Variants in APOB observed in about 807,000 individuals in gnomAD.
The protein encoded by APOB is apolipoprotein B-100.
In APOB, 153 loss-of-function variants were observed where a neutral mutation model predicts 314.1. The observed-to-expected ratio is 0.49, with a 90% CI of 0.43 to 0.56. APOB has a LOEUF of 0.56. Among genes scored for constraint, APOB ranks in the 20% least tolerant of loss-of-function variants. The pLI, the probability that APOB is intolerant of heterozygous loss-of-function variation, is 0.00. For synonymous variants in APOB, 2,087 were observed against 2,036.4 expected, an observed-to-expected ratio of 1.02 and a Z score of -0.67; for missense variants, 5,430 against 5,350.7, an observed-to-expected ratio of 1.01 and a Z score of -0.46.
chr2:21,013,098 G>C, intron 25 of APOB, 62 bp downstream of exon 25: 1 of 1,606,784 alleles, frequency 6.2e-7, no homozygotes, highest in Non-Finnish European at 8.5e-7. Flanking sequence ...CCTGGAGGAG[G>C]CTCTCCTCTT....
At position 21,037,507 on chromosome 2, in the gene APOB, G is replaced by T. The variant is rs1054527; in HGVS notation, c.538-252C>A. Among the ~76,000 whole-genome samples, 13 of 152,276 alleles carry T rather than the reference G, an allele frequency of 8.5e-5. No homozygotes were observed. In the East Asian group the frequency reaches 1.5e-3, roughly 18 times the overall value. ...TTGCATCGGTGTCTTCTCCCATTATGGTGTCGTAGAGAAATTAGAACACAC... is the reference window on the plus strand; with the variant it reads ...TTGCATCGGTGTCTTCTCCCATTATTGTGTCGTAGAGAAATTAGAACACAC... On this transcript the variant is annotated intron_variant, in intron 5 of 28. Coordinates refer to ENST00000233242, the MANE Select transcript of APOB (RefSeq NM_000384.3).
chr2:21,033,814 C>G lies in APOB; in HGVS notation c.905-296G>C, dbSNP rs941265503. Among the ~76,000 whole-genome samples, 11 of 152,170 alleles carry G rather than the reference C, an allele frequency of 7.2e-5. No homozygotes were observed. In the East Asian group the frequency reaches 9.6e-4, roughly 13 times the overall value. On this transcript the variant is annotated intron_variant, in intron 8 of 28. Transcript: ENST00000233242. The stretch of plus-strand genomic sequence containing the variant: ...AATTGCTCATCCCTGGATCTCAGCT[C>G]TGAGTCCCAGAGATGAGACAAAGAG...
Position 21,037,082 on chromosome 2 carries a change from T to G in APOB, c.693+18A>C. 6.2e-7 allele frequency: 1 copy of G among 1,614,154 alleles called. No individual in the cohort carries two copies. The highest frequency in any genetic ancestry group is 1.3e-5 in the African/African-American group (1 of 75,068). Reference sequence around the variant, plus strand: ...GGATGCTCCTTGCTGTGCACGACAGTGCTGACATGGGACTTACCATGCCTT... The same window carrying G: ...GGATGCTCCTTGCTGTGCACGACAGGGCTGACATGGGACTTACCATGCCTT... On this transcript the variant is annotated intron_variant, in intron 6 of 28. Transcript: ENST00000233242.
rs774305972 is a variant in APOB, at chr2:21,024,819, A to G, written c.2436+114T>C. The G allele has an allele frequency of 5.3e-5, 58 of 1,100,564 alleles. No individual in the cohort carries two copies. In the South Asian group the frequency reaches 7.0e-4, roughly 13 times the overall value. 68.2% of individuals were successfully genotyped at this position (1,100,564 alleles called of 1,614,324 possible). On this transcript the variant is annotated intron_variant, in intron 16 of 28. Transcript: ENST00000233242. ...TCAAGGCAAACCTCCATCTCTGAAG[A>G]AAGTACAAGCATCTTTTCGGGCTTG...
rs970988407 is a variant in APOB at position 21,008,500 on chromosome 2, C to T, written c.8368G>A (p.Ala2790Thr). 1.5e-5 allele frequency: 24 copies of T among 1,614,058 alleles called. No individual in the cohort carries two copies. Among genetic ancestry groups the T allele is most frequent in the Middle Eastern group, 1.6e-4 (1 of 6,062 alleles). ...GTTSANEAGIAASITAKGESK... is the reference protein window; with the variant it reads ...GTTSANEAGITASITAKGESK... ...TCTCCTTTGGCAGTGATGGAAGCTG[C>T]GATACCTGCTTCGTTTGCTGAGGTG... The change falls in exon 26 of 29, where the codon GCA becomes ACA. Residue 2790 changes from alanine (A) to threonine (T), a missense_variant. Ala to Thr is a moderately conservative substitution (Grantham distance 58). Around this residue, in one of 3 missense-constraint regions of APOB, gnomAD observed 3,281 missense variants for 3,171.0 expected, o/e 1.03. Coordinates refer to ENST00000233242, the MANE Select transcript of APOB (RefSeq NM_000384.3).
chr2:21,009,309 C>T lies in APOB; in HGVS notation c.7559G>A (p.Arg2520Gln), dbSNP rs199852015. The T allele has an allele frequency of 8.1e-6, 13 of 1,613,970 alleles. No individual in the cohort carries two copies. The highest frequency in any genetic ancestry group is 2.7e-5 in the African/African-American group (2 of 74,918). ...AATGTCCATTTGATACATTCGGTCT[C>T]GTGTATCTTCTAGGGTCTCTCGGAA... ...AKFRETLEDTRDRMYQMDIQQ... is the reference protein window; with the variant it reads ...AKFRETLEDTQDRMYQMDIQQ... Residue 2520 changes from arginine (R) to glutamine (Q), a missense_variant, in exon 26 of 29, where the codon CGA becomes CAA. Physicochemically the swap from Arg to Gln is conservative, Grantham distance 43. This residue lies in a region of APOB where 3,281 missense variants were observed against 3,171.0 expected (regional missense o/e 1.03). Transcript: ENST00000233242.
At position 21,001,611 on chromosome 2, in the gene APOB, T is replaced by C; in HGVS notation, c.*119A>G. On this transcript the variant is annotated 3_prime_UTR_variant, in exon 29 of 29. Transcript: ENST00000233242. ...ATATGTGCTTCTGCTTATAGTCTACTGCCTACTGCAAGGCTGGCTCACTGT... is the reference window on the plus strand; with the variant it reads ...ATATGTGCTTCTGCTTATAGTCTACCGCCTACTGCAAGGCTGGCTCACTGT... The C allele has an allele frequency of 1.0e-6, 1 of 954,998 alleles. No homozygotes were observed. Among genetic ancestry groups the C allele is most frequent in the Non-Finnish European group, 1.6e-6 (1 of 622,108 alleles). 59.2% of individuals were successfully genotyped at this position (954,998 alleles called of 1,614,324 possible).
At position 21,012,483 on chromosome 2, in the gene APOB, C is replaced by T; in HGVS notation, c.4385G>A (p.Gly1462Glu). ...LLIFDASSSWGPQMSASVHLD... is the reference protein window; with the variant it reads ...LLIFDASSSWEPQMSASVHLD... The stretch of plus-strand genomic sequence containing the variant: ...ATGAACTGAAGCAGACATCTGTGGT[C>T]CCCAGGAACTAGATGCATCGAATAT... The change falls in exon 26 of 29, where the codon GGA (glycine) becomes GAA (glutamate). Residue 1462 changes from glycine (G) to glutamate (E), a missense_variant. By Grantham distance (98) the Gly-to-Glu change is moderately conservative. Coordinates refer to ENST00000233242, the MANE Select transcript of APOB (RefSeq NM_000384.3). The T allele has an allele frequency of 6.2e-7, 1 of 1,614,120 alleles. No individual in the cohort carries two copies. The highest frequency in any genetic ancestry group is 1.1e-5 in the South Asian group (1 of 91,072).
chr2:21,002,320 GA>G lies in APOB; in HGVS notation c.13101del (p.Gln4368ArgfsTer26), dbSNP rs1558558718. On this transcript the variant is annotated frameshift_variant, in exon 29 of 29. Coordinates refer to ENST00000233242, the MANE Select transcript of APOB (RefSeq NM_000384.3). LOFTEE classifies it low-confidence loss of function (END_TRUNC). ...TGCTGTAACTCTTGAGAAGCTTCCT[GA>G]AGCTCGTTTTGAATAAATTCATTGA... ...HKFNEFIQNE[L>X]QEASQELQQI... 7 of 1,612,970 alleles carry G rather than the reference GA, an allele frequency of 4.3e-6. No homozygotes were observed. In the Admixed American group the frequency reaches 8.4e-5, roughly 19 times the overall value.
At position 21,023,614 on chromosome 2, in the gene APOB, G is replaced by T; in HGVS notation, c.2515C>A (p.Pro839Thr). 6.2e-7 allele frequency: 1 copy of T among 1,614,132 alleles called. No homozygotes were observed. Among genetic ancestry groups the T allele is most frequent in the Non-Finnish European group, 8.5e-7 (1 of 1,180,008 alleles). Residue 839 changes from proline (P) to threonine (T), a missense_variant, in exon 17 of 29, where the codon CCC becomes ACC. By Grantham distance (38) the Pro-to-Thr change is conservative (BLOSUM62 -1). This residue lies in a region of APOB where 2,085 missense variants were observed against 2,079.7 expected (regional missense o/e 1.00). Coordinates refer to ENST00000233242, the MANE Select transcript of APOB (RefSeq NM_000384.3). ...YIFMENAFEL[P>T]TGAGLQLQIS... ...TGCAACTGTAATCCAGCTCCAGTGG[G>T]GAGTTCAAAGGCATTCTCCATGAAG...
rs772544842 is a variant in APOB at position 21,004,403 on chromosome 2, C to G, written c.11953G>C (p.Asp3985His). The G allele has an allele frequency of 1.2e-6, 2 of 1,613,886 alleles. No homozygotes were observed. Among genetic ancestry groups the G allele is most frequent in the Non-Finnish European group, 1.7e-6 (2 of 1,179,948 alleles). Residue 3985 changes from aspartate (D) to histidine (H), a missense_variant, in exon 28 of 29, where the codon GAT becomes CAT. By Grantham distance (81) the Asp-to-His change is moderately conservative (BLOSUM62 -1). Coordinates refer to ENST00000233242, the MANE Select transcript of APOB (RefSeq NM_000384.3). ...TCTTTCTGGTAGCGCAGATGGAGAT[C>G]GGTGAACGCTGGGCTTTTGATATTG... ...HLNIKSPAFT[D>H]LHLRYQKDKK...
In APOB at chr2:21,012,503, G is replaced by C. The variant is rs12720847; in HGVS notation, c.4365C>G (p.Phe1455Leu). The C allele has an allele frequency of 6.2e-7, 1 of 1,613,988 alleles. No homozygotes were observed. Among genetic ancestry groups the C allele is most frequent in the African/African-American group, 1.3e-5 (1 of 74,888 alleles). Reference sequence around the variant, plus strand: ...GTGGTCCCCAGGAACTAGATGCATCGAATATTAGTAAACCTTTTGAGACTG... The same window carrying C: ...GTGGTCCCCAGGAACTAGATGCATCCAATATTAGTAAACCTTTTGAGACTG... ...NNPVSKGLLI[F>L]DASSSWGPQM... Residue 1455 changes from phenylalanine to leucine, a missense_variant, in exon 26 of 29, where the codon TTC (phenylalanine) becomes TTG (leucine). Physicochemically the swap from Phe to Leu is conservative, Grantham distance 22 (BLOSUM62 0). This residue lies in a region of APOB where 2,085 missense variants were observed against 2,079.7 expected (regional missense o/e 1.00). Coordinates refer to ENST00000233242, the MANE Select transcript of APOB (RefSeq NM_000384.3).
rs72653061 is a variant in APOB, at chr2:21,033,533, G to C, written c.905-15C>G. 3.9e-3 allele frequency: 6,186 copies of C among 1,603,126 alleles called. 16 individuals are homozygous for C. Among genetic ancestry groups the C allele is most frequent in the Non-Finnish European group, 4.6e-3 (5,388 of 1,170,038 alleles). On this transcript the variant is annotated splice_polypyrimidine_tract_variant and intron_variant, in intron 8 of 28. Transcript: ENST00000233242. ...CTTCTTAGTACCTGGAAGATGGAAA[G>C]TGTCAAAGGAACTCTAGCTTTCTTC...
chr2:21,043,558 G>A lies in APOB; in HGVS notation c.83-7C>T, dbSNP rs924078369. On this transcript the variant is annotated splice_region_variant and splice_polypyrimidine_tract_variant and intron_variant, in intron 1 of 28. Coordinates refer to ENST00000233242, the MANE Select transcript of APOB (RefSeq NM_000384.3). ...TTTTCCAGCATTTCCTCTTCTGTAA[G>A]ACAGGAGAAAGAAATCTGTGAGCTT... 9.4e-6 allele frequency: 15 copies of A among 1,599,924 alleles called. No individual in the cohort carries two copies. The highest frequency in any genetic ancestry group is 6.9e-5 in the Admixed American group (4 of 57,952).
rs1169805351 is a variant in APOB, at chr2:21,008,814, T to G, written c.8054A>C (p.Gln2685Pro). The change falls in exon 26 of 29, where the codon CAG becomes CCG. Residue 2685 changes from glutamine to proline, a missense_variant. Physicochemically the swap from Gln to Pro is moderately conservative, Grantham distance 76. Transcript: ENST00000233242. ...TIDQMLNSEL[Q>P]WPVPDIYLRD... Reference sequence around the variant, plus strand: ...GAGATATATATCTGGAACGGGCCACTGCAGCTCACTGTTCAGCATCTGGTC... The same window carrying G: ...GAGATATATATCTGGAACGGGCCACGGCAGCTCACTGTTCAGCATCTGGTC... 6.2e-7 allele frequency: 1 copy of G among 1,614,104 alleles called. No individual in the cohort carries two copies.
chr2:21,026,728 G>T (rs1473888736), intron 15 of APOB, 60 bp downstream of exon 15: 6 of 1,359,228 alleles, frequency 4.4e-6, no homozygotes, highest in Admixed American at 1.7e-5. Flanking sequence ...GCTTAGAAAA[G>T]AATTGTTTTT....
rs12720835 is a variant in APOB, at chr2:21,032,861, G to A, written c.1125-280C>T. On this transcript the variant is annotated intron_variant, in intron 9 of 28. Coordinates refer to ENST00000233242, the MANE Select transcript of APOB (RefSeq NM_000384.3). ...TTGGCCAGCACACAGAATATGCCTG[G>A]CCAACATTAGCTGGGTCTCATTCCT... Among the ~76,000 whole-genome samples the A allele has an allele frequency of 4.0e-3, 615 of 152,234 alleles. 8 individuals carry two copies. Among genetic ancestry groups the A allele is most frequent in the East Asian group, 0.035 (182 of 5,184 alleles).
At position 21,034,829 on chromosome 2, in the gene APOB, G is replaced by A. The variant is rs1663960726; in HGVS notation, c.891C>T (p.Arg297=). The change falls in exon 8 of 29, where the codon CGC becomes CGT. Residue 297 remains arginine, a synonymous_variant. Coordinates refer to ENST00000233242, the MANE Select transcript of APOB (RefSeq NM_000384.3). The part of the protein sequence containing the change: ...KLEDTPKINS[R]FFGEGTKKMG... ...AGAAACTCTTACCTTCACCAAAGAA[G>A]CGGCTGTTGATCTTTGGTGTGTCTT... 2 of 1,591,204 alleles carry A rather than the reference G, an allele frequency of 1.3e-6. No homozygotes were observed. The highest frequency in any genetic ancestry group is 1.7e-6 in the Non-Finnish European group (2 of 1,159,076).
chr2:21,011,416 G>GTAC lies in APOB; in HGVS notation c.5451_5452insGTA (p.Glu1817_Pro1818insVal). The GTAC allele has an allele frequency of 6.2e-7, 1 of 1,614,006 alleles. No individual in the cohort carries two copies. Among genetic ancestry groups the GTAC allele is most frequent in the Non-Finnish European group, 8.5e-7 (1 of 1,180,012 alleles). ...TTACCAGCCACATGCAGCTTCAGGGGTTCTAGCCGTAGTTTCCCATTGTTG... is the reference window on the plus strand; with the variant it reads ...TTACCAGCCACATGCAGCTTCAGGGGTACTTCTAGCCGTAGTTTCCCATTGTTG... On this transcript the variant is annotated inframe_insertion, in exon 26 of 29. Coordinates refer to ENST00000233242, the MANE Select transcript of APOB (RefSeq NM_000384.3).
Sources: allele counts gnomAD v4.1 joint callset (sites outside exome capture counted in the v4.1 genomes callset), GRCh38; gene constraint gnomAD v4.1.1; regional missense constraint gnomAD v4.1.1; transcripts MANE v1.5; gene names NCBI Gene and HGNC (gene_info 2026-07-23, HGNC 2026-07-21).